The following CNTN3 variants were observed in gnomAD, a reference collection of about 807,000 sequenced individuals.
CNTN3 encodes the protein contactin 3, also known as contactin-3.
In CNTN3, 60 loss-of-function variants were observed where a neutral mutation model predicts 119.1. The observed-to-expected ratio is 0.50, with a 90% CI of 0.41 to 0.62. The LOEUF is 0.62. CNTN3 is among the 20% of genes least tolerant of loss of function. The probability of loss-of-function intolerance (pLI) is 0.00; values close to 1 mark genes in which losing one functional copy is unlikely to be tolerated. For synonymous variants in CNTN3, 450 were observed against 438.7 expected, an observed-to-expected ratio of 1.03 and a Z score of -0.32; for missense variants, 1,101 against 1,242.4, an observed-to-expected ratio of 0.89 and a Z score of 1.71.
intron 1 of CNTN3, among the ~76,000 whole-genome samples, chr3:74,534,917 G>C (rs777252977): frequency 6.6e-6 from 1 of 151,930 alleles, no homozygotes; most frequent in Non-Finnish European, 1.5e-5. Flanking sequence ...AGTAAAATGG[G>C]AATGGTATGC....
intron 13 of CNTN3, among the ~76,000 whole-genome samples, chr3:74,324,750 C>T (rs1488849278): frequency 1.3e-5 from 2 of 151,912 alleles, no homozygotes; most frequent in Admixed American, 1.3e-4. Context: ...AATGAAAATT[C>T]TTAGCCAAAG....
At position 74,405,868 on chromosome 3, in the gene CNTN3, G is replaced by A. The variant is rs116492110; in HGVS notation, c.454+18977C>T. 9.8e-3 allele frequency among the ~76,000 whole-genome samples: 1,487 copies of A among 152,012 alleles called. 19 individuals are homozygous for A. The highest frequency in any genetic ancestry group is 0.034 in the African/African-American group (1,422 of 41,500). Reference sequence around the variant, plus strand: ...ACACTATTTTAGTTTCAATAGATTCGTGGGTGACGTTCATGAGTTCTCAGA... The same window carrying A: ...ACACTATTTTAGTTTCAATAGATTCATGGGTGACGTTCATGAGTTCTCAGA... On this transcript the variant is annotated intron_variant, in intron 5 of 22. Coordinates refer to ENST00000263665, the MANE Select transcript of CNTN3 (RefSeq NM_020872.3).
At chr3:74,311,303 A>T (rs1361467603) in intron 13 of CNTN3, among the ~76,000 whole-genome samples, 1 of 152,202 alleles carries the variant, frequency 6.6e-6, no homozygotes, top group African/African-American at 2.4e-5. Context: ...AGTCATATTG[A>T]AAAAGATAAA....
In CNTN3 at chr3:74,364,502, C is replaced by T. The variant is rs1704144703; in HGVS notation, c.1178G>A (p.Gly393Asp). 6.2e-7 allele frequency: 1 copy of T among 1,612,518 alleles called. No individual in the cohort carries two copies. Among genetic ancestry groups the T allele is most frequent in the Non-Finnish European group, 8.5e-7 (1 of 1,178,988 alleles). Residue 393 changes from glycine (G) to aspartate (D), a missense_variant, in exon 10 of 23, where the codon GGC becomes GAC. Gly to Asp is a moderately conservative substitution (Grantham distance 94). Coordinates refer to ENST00000263665, the MANE Select transcript of CNTN3 (RefSeq NM_020872.3). ...GAGCTCAGCACTGGAATAAACAAGG[C>T]CATGTTTGTTTTCTGCTATGCATTG... The part of the protein sequence containing the change: ...MFQCIAENKH[G>D]LVYSSAELKV...
intron 5 of CNTN3, among the ~76,000 whole-genome samples, chr3:74,397,467 AATAAATGTTCTAT>A (rs1366384043): frequency 6.6e-6 from 1 of 151,226 alleles, no homozygotes; most frequent in Non-Finnish European, 1.5e-5. Context: ...AAACTTGATC[AATAAATGTTCTAT>A]GTGTTCTGAT....
At chr3:74,469,590 C>T (rs1159270460) in intron 4 of CNTN3, among the ~76,000 whole-genome samples, 1 of 152,120 alleles carries the variant, frequency 6.6e-6, no homozygotes, top group African/African-American at 2.4e-5. Flanking sequence ...CCAGTAAACA[C>T]ATGAAAACAA....
At chr3:74,494,664 T>A (rs1376518841) in intron 3 of CNTN3, among the ~76,000 whole-genome samples, 1 of 152,078 alleles carries the variant, frequency 6.6e-6, no homozygotes, top group South Asian at 2.1e-4. Flanking sequence ...TATTATTGAC[T>A]CCTGAAATAT....
intron 2 of CNTN3, among the ~76,000 whole-genome samples, chr3:74,505,754 G>A (rs1020574218): frequency 6.6e-6 from 1 of 152,092 alleles, no homozygotes; most frequent in Non-Finnish European, 1.5e-5. Context: ...ATACTTATTA[G>A]GAATAACTAA....
chr3:74,301,600 A>G, intron 15 of CNTN3, 47 bp downstream of exon 15: 1 of 1,612,240 alleles, frequency 6.2e-7, no homozygotes, highest in Non-Finnish European at 8.5e-7. Context: ...CATTGACTTG[A>G]AATCCATTTA....
intron 4 of CNTN3, among the ~76,000 whole-genome samples, chr3:74,478,846 A>T (rs1440557635): frequency 6.6e-6 from 1 of 152,188 alleles, no homozygotes; most frequent in Admixed American, 6.6e-5. Context: ...TGAGGGAAGA[A>T]AACATAAAAG....
chr3:74,433,596 A>C (rs1208572365), intron 4 of CNTN3, among the ~76,000 whole-genome samples: 1 of 152,168 alleles, frequency 6.6e-6, no homozygotes, highest in Non-Finnish European at 1.5e-5. Context: ...TATACTCTAC[A>C]AGACCTTTCC....
chr3:74,496,778 C>T (rs1163994949), intron 3 of CNTN3, among the ~76,000 whole-genome samples: 1 of 152,064 alleles, frequency 6.6e-6, no homozygotes, highest in East Asian at 1.9e-4. Flanking sequence ...GGCTTTGGGG[C>T]TCAGGCAGGG....
intron 5 of CNTN3, among the ~76,000 whole-genome samples, chr3:74,389,997 C>T (rs1001110854): frequency 1.3e-5 from 2 of 152,210 alleles, no homozygotes; most frequent in African/African-American, 4.8e-5. Context: ...GGAGACAACA[C>T]TAAACCTTTG....
chr3:74,475,091 C>T (rs1702631226), intron 4 of CNTN3, among the ~76,000 whole-genome samples: 1 of 152,102 alleles, frequency 6.6e-6, no homozygotes, highest in Non-Finnish European at 1.5e-5. Flanking sequence ...TTCTTTATAG[C>T]AATGTGAGAA....
intron 5 of CNTN3, among the ~76,000 whole-genome samples, chr3:74,406,515 G>C (rs1351880544): frequency 6.7e-6 from 1 of 149,280 alleles, no homozygotes; most frequent in African/African-American, 2.5e-5. Context: ...TTTCTTATTT[G>C]AAAAAAATCA....
At chr3:74,315,181 T>C (rs551392926) in intron 13 of CNTN3, among the ~76,000 whole-genome samples, 3 of 152,318 alleles carry the variant, frequency 2.0e-5, no homozygotes, top group Non-Finnish European at 4.4e-5. Flanking sequence ...GAGGTTACCA[T>C]ATGTGGTCTA....
intron 1 of CNTN3, among the ~76,000 whole-genome samples, chr3:74,600,514 A>G (rs1451194527): frequency 6.6e-6 from 1 of 152,078 alleles, no homozygotes; most frequent in Non-Finnish European, 1.5e-5. Context: ...GAATCTTTTT[A>G]GTCTCACTGG....
chr3:74,392,174 C>T (rs1979587), intron 5 of CNTN3, among the ~76,000 whole-genome samples: 90,653 of 151,952 alleles, frequency 0.6, 27,507 homozygotes, highest in Middle Eastern at 0.67. Flanking sequence ...AACTAGGTTC[C>T]AAGAATGTGA....
chr3:74,594,982 C>T (rs1295403095), intron 1 of CNTN3, among the ~76,000 whole-genome samples: 151 of 152,128 alleles, frequency 9.9e-4, no homozygotes, highest in African/African-American at 3.5e-3. Flanking sequence ...TTTGAATGAT[C>T]ACCATTCTAA....
Sources: gnomAD v4.1 joint callset for allele counts (sites outside exome capture counted in the v4.1 genomes callset) on GRCh38, gnomAD v4.1.1 for gene constraint, MANE v1.5 for transcripts, NCBI Gene and HGNC (gene_info 2026-07-23, HGNC 2026-07-21) for gene names.